The following PATJ variants were observed in gnomAD, a reference collection of about 807,000 sequenced individuals.
PATJ encodes the protein PATJ crumbs cell polarity complex component, also known as inaD-like protein.
Under a neutral mutation model 224.9 loss-of-function variants are expected in PATJ, and 190 were observed. The observed-to-expected ratio is 0.84, with a 90% CI of 0.75 to 0.95. The LOEUF (loss-of-function observed/expected upper bound fraction) is 0.95, where lower values mean the gene tolerates loss of function less well. Ranked by LOEUF, PATJ falls within the 40% of genes least tolerant of loss-of-function variation. PATJ has a pLI of 0.00. For synonymous variants in PATJ, 769 were observed against 820.3 expected (o/e 0.94, Z 1.07); for missense variants, 2,121 against 2,270.3 (o/e 0.93, Z 1.34).
At chr1:62,095,439 C>A (rs1661286712) in intron 33 of PATJ, among the ~76,000 whole-genome samples, 1 of 152,320 alleles carries the variant, frequency 6.6e-6, no homozygotes, top group Non-Finnish European at 1.5e-5. Context: ...CATCTTGAAT[C>A]ATCTCTGCAT....
intron 10 of PATJ, among the ~76,000 whole-genome samples, chr1:61,796,227 T>G (rs543723314): frequency 6.6e-6 from 1 of 152,314 alleles, no homozygotes; most frequent in Admixed American, 6.5e-5. Context: ...GTTGAAATAC[T>G]TACAGCTAGC....
chr1:62,128,414 C>T (rs969154567), intron 40 of PATJ: 2 of 288,602 alleles, frequency 6.9e-6, no homozygotes, highest in African/African-American at 4.3e-5. Context: ...TAGAGTCTTC[C>T]CTCAATCAAA....
At chr1:62,158,162 A>C (rs1240774607) in intron 43 of PATJ, among the ~76,000 whole-genome samples, 1 of 149,654 alleles carries the variant, frequency 6.7e-6, no homozygotes, top group Non-Finnish European at 1.5e-5. Context: ...GCAAGTGAGT[A>C]AAGAGCCACA....
Position 61,914,569 on chromosome 1 carries a change from C to CT in PATJ, c.3493-11dup, listed in dbSNP as rs746639836. ...TTTAAACGTTTTCTTCCCCCCACCC[C>CT]TTTTTTTGTCACCATAGGTCATTCC... On this transcript the variant is annotated splice_polypyrimidine_tract_variant and intron_variant, in intron 25 of 43. Transcript: ENST00000642238. The CT allele has an allele frequency of 1.6e-4, 216 of 1,318,804 alleles. 1 individual carries two copies. The highest frequency in any genetic ancestry group is 5.6e-4 in the African/African-American group (38 of 68,290). 81.7% of individuals were successfully genotyped at this position (1,318,804 alleles called of 1,614,324 possible). A position where few individuals can be genotyped will look rare whatever the true frequency, so the allele number is the denominator to read the frequency against.
At chr1:62,081,072 G>T (rs1659216588) in intron 32 of PATJ, among the ~76,000 whole-genome samples, 3 of 152,058 alleles carry the variant, frequency 2.0e-5, no homozygotes, top group Non-Finnish European at 4.4e-5. Context: ...TATAATGATG[G>T]AGTTAAGTAG....
intron 29 of PATJ, among the ~76,000 whole-genome samples, chr1:62,036,879 A>AAAAAAAAAAAAAAAAAAAAAAAAG (rs1558074944): frequency 2.0e-5 from 3 of 149,846 alleles, no homozygotes; most frequent in Admixed American, 1.3e-4. Flanking sequence ...CTCAAAAAAA[A>AAAAAAAAAAAAAAAAAAAAAAAAG]AAGAAGGAAG....
At position 61,940,259 on chromosome 1, in the gene PATJ, C is replaced by A. The variant is rs371544767; in HGVS notation, c.3670+12430C>A. Reference sequence around the variant, plus strand: ...ATTGGGAATATGATAACAATAATACCCTTTTCACAGTGTTATTATGAGAGA... The same window carrying A: ...ATTGGGAATATGATAACAATAATACACTTTTCACAGTGTTATTATGAGAGA... On this transcript the variant is annotated intron_variant, in intron 27 of 43. Coordinates refer to ENST00000642238, the MANE Select transcript of PATJ (RefSeq NM_001350145.3). Among the ~76,000 whole-genome samples, 38 of 152,020 alleles carry A rather than the reference C, an allele frequency of 2.5e-4. 1 individual carries two copies. In the East Asian group the frequency reaches 7.2e-3, roughly 29 times the overall value.
chr1:61,776,961 G>A (rs1449400805), intron 7 of PATJ, among the ~76,000 whole-genome samples: 2 of 152,054 alleles, frequency 1.3e-5, no homozygotes, highest in South Asian at 2.1e-4. Flanking sequence ...TCCTGACCTC[G>A]TGATCCGCCC....
At chr1:62,042,684 T>C (rs1466328471) in intron 30 of PATJ, among the ~76,000 whole-genome samples, 2 of 152,316 alleles carry the variant, frequency 1.3e-5, no homozygotes, top group East Asian at 3.9e-4. Flanking sequence ...TCTTTTTCTG[T>C]AGCCCAGGCT....
At chr1:61,957,848 T>A (rs1345745024) in intron 27 of PATJ, among the ~76,000 whole-genome samples, 1 of 152,136 alleles carries the variant, frequency 6.6e-6, no homozygotes, top group Non-Finnish European at 1.5e-5. Flanking sequence ...CAGGTGTGAG[T>A]TCAAGGTCAG....
intron 26 of PATJ, among the ~76,000 whole-genome samples, chr1:61,921,509 C>T (rs958209936): frequency 9.2e-5 from 14 of 152,004 alleles, no homozygotes; most frequent in Non-Finnish European, 1.8e-4. Context: ...GTTTCTTTTT[C>T]CCTACAGATT....
intron 4 of PATJ, among the ~76,000 whole-genome samples, chr1:61,768,387 G>A (rs571927073): frequency 2.0e-5 from 3 of 151,678 alleles, no homozygotes; most frequent in Admixed American, 2.0e-4. Flanking sequence ...GGAGAATGGC[G>A]TGAACCCAGG....
intron 8 of PATJ, among the ~76,000 whole-genome samples, chr1:61,788,861 A>G (rs189308804): frequency 2.0e-3 from 309 of 152,190 alleles, no homozygotes; most frequent in Middle Eastern, 6.8e-3. Flanking sequence ...TTTAGTAGAG[A>G]TGGAGTTTCT....
At chr1:61,763,559 GT>G (rs1370776103) in intron 3 of PATJ, among the ~76,000 whole-genome samples, 1 of 151,836 alleles carries the variant, frequency 6.6e-6, no homozygotes, top group Non-Finnish European at 1.5e-5. Context: ...ATTGTGTTTG[GT>G]TTTAGAATAT....
At chr1:61,934,838 G>A (rs1676601337) in intron 27 of PATJ, among the ~76,000 whole-genome samples, 1 of 152,176 alleles carries the variant, frequency 6.6e-6, no homozygotes, top group Non-Finnish European at 1.5e-5. Flanking sequence ...GTGGGGATGT[G>A]ATGAAAATGC....
chr1:62,008,720 G>A lies in PATJ; in HGVS notation c.3868-9136G>A, dbSNP rs564196161. ...GCCATGATCGCACCATTGCACTCCA[G>A]CCTGGGCGACAGAGCAAGACCCTGA... On this transcript the variant is annotated intron_variant, in intron 28 of 43. Coordinates refer to ENST00000642238, the MANE Select transcript of PATJ (RefSeq NM_001350145.3). 5.5e-4 allele frequency among the ~76,000 whole-genome samples: 84 copies of A among 152,272 alleles called. 2 individuals are homozygous for A. In the South Asian group the frequency reaches 0.011, roughly 21 times the overall value.
intron 33 of PATJ, among the ~76,000 whole-genome samples, chr1:62,085,496 A>G (rs1286349832): frequency 2.0e-5 from 3 of 152,182 alleles, no homozygotes; most frequent in African/African-American, 7.2e-5. Flanking sequence ...GTAAGTGTTC[A>G]GTAAGTAGGA....
chr1:62,108,584 A>G, intron 34 of PATJ, 64 bp downstream of exon 34: 1 of 946,332 alleles, frequency 1.1e-6, no homozygotes, highest in Non-Finnish European at 1.6e-6. Flanking sequence ...CTCGATCCAT[A>G]AAGTTGTCTT....
chr1:62,127,404 C>G (rs1665826171), intron 39 of PATJ, among the ~76,000 whole-genome samples: 1 of 139,784 alleles, frequency 7.2e-6, no homozygotes, highest in Non-Finnish European at 1.5e-5. Flanking sequence ...TTTCCGGGCT[C>G]TATTGGTAAG....
Sources: allele counts gnomAD v4.1 joint callset (sites outside exome capture counted in the v4.1 genomes callset), GRCh38; gene constraint gnomAD v4.1.1; transcripts MANE v1.5; gene names NCBI Gene and HGNC (gene_info 2026-07-23, HGNC 2026-07-21).